The following TAMM41 variants were observed in gnomAD, a reference collection of about 807,000 sequenced individuals.
The protein encoded by TAMM41 is TAM41 mitochondrial translocator assembly and maintenance homolog, also known as phosphatidate cytidylyltransferase, mitochondrial.
Under a neutral mutation model 44.1 loss-of-function variants are expected in TAMM41, and 36 were observed. The observed-to-expected ratio is 0.82, with a 90% CI of 0.63 to 1.08. The LOEUF is 1.08. TAMM41 is among the 50% of genes least tolerant of loss of function. The pLI is 0.00. For synonymous variants in TAMM41, 164 were observed against 153.1 expected, an observed-to-expected ratio of 1.07 and a Z score of -0.53; for missense variants, 417 against 404.3, an observed-to-expected ratio of 1.03 and a Z score of -0.27.
At chr3:11,790,366 T>C (rs1308624572), downstream of TAMM41, 4 of 794,994 alleles carry the variant, frequency 5.0e-6, no homozygotes, top group Non-Finnish European at 8.5e-6. Flanking sequence ...GTCTGATGCA[T>C]ACATTTAAAA....
chr3:11,796,642 C>T (rs760648845), intron 7 of TAMM41, among the ~76,000 whole-genome samples: 1 of 152,068 alleles, frequency 6.6e-6, no homozygotes, highest in Non-Finnish European at 1.5e-5. Context: ...AGATGACATA[C>T]GAGCTGGCTG....
chr3:11,737,238 C>A, the TAMM41 span, among the ~76,000 whole-genome samples: 2 of 144,166 alleles, frequency 1.4e-5, no homozygotes, highest in East Asian at 4.4e-4. Context: ...AGACACCCAC[C>A]CCCACCTGCC....
chr3:11,729,206 A>T, the TAMM41 span, among the ~76,000 whole-genome samples: 1 of 152,066 alleles, frequency 6.6e-6, no homozygotes, highest in African/African-American at 2.4e-5. Context: ...TCATGCAAGG[A>T]ATTTTCCTTT....
the TAMM41 span, among the ~76,000 whole-genome samples, chr3:11,743,232 T>A: frequency 6.6e-6 from 1 of 151,548 alleles, no homozygotes; most frequent in Non-Finnish European, 1.5e-5. Context: ...AGTGGAGTCT[T>A]TGCTGAAAGT....
chr3:11,837,047 C>T (rs755614505), intron 3 of TAMM41, among the ~76,000 whole-genome samples: 13 of 152,296 alleles, frequency 8.5e-5, no homozygotes, highest in Admixed American at 2.6e-4. Context: ...AACCCCTGCC[C>T]GGATCGAGTA....
intron 1 of TAMM41, chr3:11,844,986 A>G (rs747565041): frequency 1.3e-5 from 6 of 456,582 alleles, no homozygotes; most frequent in African/African-American, 1.2e-4. Context: ...AGTTAAACAG[A>G]CTTGCTGGAA....
intron 4 of TAMM41, among the ~76,000 whole-genome samples, chr3:11,825,961 T>G (rs906084300): frequency 6.6e-6 from 1 of 152,142 alleles, no homozygotes; most frequent in African/African-American, 2.4e-5. Context: ...TTTTATAATT[T>G]TTATAGCTGA....
the TAMM41 span, among the ~76,000 whole-genome samples, chr3:11,749,924 G>A: frequency 2.0e-5 from 3 of 148,100 alleles, no homozygotes; most frequent in Admixed American, 2.0e-4. Context: ...TTTTGACGGA[G>A]TCTTGCTCTG....
intron 7 of TAMM41, among the ~76,000 whole-genome samples, chr3:11,796,240 A>G (rs187779165): frequency 1.5e-4 from 23 of 152,310 alleles, no homozygotes; most frequent in Admixed American, 1.5e-3. Context: ...TTGTAGGAGT[A>G]GAGTGAAATT....
chr3:11,789,111 G>A (rs770284951), downstream of TAMM41, among the ~76,000 whole-genome samples: 3 of 152,136 alleles, frequency 2.0e-5, no homozygotes, highest in African/African-American at 7.2e-5. Flanking sequence ...AGCACAACTC[G>A]AAGAGGTCTG....
chr3:11,809,372 C>G (rs2078016826), intron 6 of TAMM41, 145 bp downstream of exon 6: 1 of 923,440 alleles, frequency 1.1e-6, no homozygotes. Flanking sequence ...TTAGAAAACC[C>G]TCAAATTTTT....
chr3:11,726,759 C>T, the TAMM41 span, among the ~76,000 whole-genome samples: 3 of 147,862 alleles, frequency 2.0e-5, no homozygotes, highest in Admixed American at 6.8e-5. Flanking sequence ...GTTGAGATCG[C>T]GCTGCTGCAC....
At chr3:11,755,556 G>T in the TAMM41 span, among the ~76,000 whole-genome samples, 329 of 152,310 alleles carry the variant, frequency 2.2e-3, 1 homozygote, top group African/African-American at 7.7e-3. Context: ...GAGAACTGCT[G>T]CCGAGCACTC....
the TAMM41 span, among the ~76,000 whole-genome samples, chr3:11,767,876 GC>G: frequency 2.0e-5 from 3 of 151,186 alleles, no homozygotes; most frequent in Non-Finnish European, 3.0e-5. Context: ...GCCCGCCTCG[GC>G]CTCCCAAAGT....
At chr3:11,790,700 G>A in intron 7 of TAMM41, 119 bp from the exon 8 acceptor site, 1 of 789,798 alleles carries the variant, frequency 1.3e-6, no homozygotes, top group Non-Finnish European at 2.1e-6. Flanking sequence ...GCTGACCCGT[G>A]GCTCTAGGAG....
intron 5 of TAMM41, chr3:11,810,163 G>A (rs576490488): frequency 6.5e-5 from 10 of 153,296 alleles, no homozygotes; most frequent in African/African-American, 2.2e-4. Flanking sequence ...CTTTTAGTAT[G>A]CTGTATTTCA....
At chr3:11,809,295 T>G in intron 6 of TAMM41, 1 of 559,004 alleles carries the variant, frequency 1.8e-6, no homozygotes, top group Non-Finnish European at 3.1e-6. Flanking sequence ...GACAGTGATT[T>G]AGGATCCAGG....
At chr3:11,810,488 G>A (rs1370817860) in intron 5 of TAMM41, among the ~76,000 whole-genome samples, 3 of 152,182 alleles carry the variant, frequency 2.0e-5, no homozygotes, top group African/African-American at 4.8e-5. Flanking sequence ...ACTGTGCCTC[G>A]TGGAATGAAT....
the TAMM41 span, among the ~76,000 whole-genome samples, chr3:11,769,839 C>T: frequency 8.5e-5 from 13 of 152,314 alleles, no homozygotes; most frequent in Admixed American, 3.9e-4. Flanking sequence ...TGTGACTACA[C>T]GCCTCACGGC....
Sources: gnomAD v4.1 joint callset for allele counts (sites outside exome capture counted in the v4.1 genomes callset) on GRCh38, gnomAD v4.1.1 for gene constraint, MANE v1.5 for transcripts, NCBI Gene and HGNC (gene_info 2026-07-23, HGNC 2026-07-21) for gene names.